The following KAZN variants were observed in gnomAD, a reference collection of about 807,000 sequenced individuals.
The protein encoded by KAZN is kazrin.
KAZN carries 40 observed loss-of-function variants against 87.4 expected under a neutral mutation model. The ratio of observed to expected loss-of-function variants is 0.46; its 90% CI spans 0.36 to 0.60. The LOEUF is 0.60. KAZN is among the 20% of genes least tolerant of loss of function. The probability of loss-of-function intolerance (pLI) is 0.00; values close to 1 mark genes in which losing one functional copy is unlikely to be tolerated. For synonymous variants in KAZN, 466 were observed against 458.3 expected (o/e 1.02, Z -0.22); for missense variants, 898 against 1,073.9 (o/e 0.84, Z 2.29).
intron 1 of KAZN, among the ~76,000 whole-genome samples, chr1:13,915,402 C>T (rs1308002707): frequency 6.6e-6 from 1 of 152,220 alleles, no homozygotes; most frequent in Non-Finnish European, 1.5e-5. Context: ...TTTATACCAA[C>T]ATAGTTGTAA....
At chr1:14,194,246 T>C (rs1646480772) in intron 2 of KAZN, among the ~76,000 whole-genome samples, 2 of 152,160 alleles carry the variant, frequency 1.3e-5, no homozygotes, top group Admixed American at 1.3e-4. Flanking sequence ...TGAGCAAGGC[T>C]TACCAGCAGC....
intron 1 of KAZN, among the ~76,000 whole-genome samples, chr1:14,030,443 G>T (rs1641270453): frequency 8.2e-6 from 1 of 122,598 alleles, no homozygotes. Flanking sequence ...GGTGGGGGGA[G>T]GGGGGAGAGA....
chr1:14,837,346 G>A (rs1162702716), intron 1 of KAZN, among the ~76,000 whole-genome samples: 1 of 151,616 alleles, frequency 6.6e-6, no homozygotes, highest in African/African-American at 2.4e-5. Context: ...ATTACAGGCA[G>A]GCGCCACCAT....
At chr1:14,418,587 G>A (rs1665037595) in intron 2 of KAZN, among the ~76,000 whole-genome samples, 1 of 152,194 alleles carries the variant, frequency 6.6e-6, no homozygotes, top group Non-Finnish European at 1.5e-5. Flanking sequence ...AGGAAAATGA[G>A]TTTGCCTCTA....
intron 1 of KAZN, among the ~76,000 whole-genome samples, chr1:14,670,016 T>C (rs1639819121): frequency 6.6e-6 from 1 of 152,170 alleles, no homozygotes; most frequent in Admixed American, 6.5e-5. Context: ...TGGCATCCCC[T>C]GTACAATGGC....
intron 1 of KAZN, among the ~76,000 whole-genome samples, chr1:14,138,567 C>G (rs915124950): frequency 5.3e-5 from 8 of 152,116 alleles, no homozygotes; most frequent in African/African-American, 1.7e-4. Flanking sequence ...CCCACGAGAT[C>G]GTCCTGGAAA....
intron 2 of KAZN, among the ~76,000 whole-genome samples, chr1:14,255,119 CAAAAAAAAAAA>C (rs71570191): frequency 1.7e-4 from 14 of 83,782 alleles, no homozygotes; most frequent in Non-Finnish European, 3.3e-4. Context: ...GACTCTGTCT[CAAAAAAAAAAA>C]AAAAAAAAAA....
At chr1:14,461,179 T>G (rs1667830355) in intron 2 of KAZN, among the ~76,000 whole-genome samples, 1 of 152,186 alleles carries the variant, frequency 6.6e-6, no homozygotes, top group Non-Finnish European at 1.5e-5. Context: ...GCATTACCCT[T>G]TCCTGGCTGT....
intron 1 of KAZN, among the ~76,000 whole-genome samples, chr1:14,109,310 C>G (rs370057312): frequency 5.3e-5 from 8 of 152,166 alleles, no homozygotes; most frequent in African/African-American, 1.7e-4. Flanking sequence ...TGGCAATGAT[C>G]CATTTATCCA....
intron 2 of KAZN, among the ~76,000 whole-genome samples, chr1:14,209,867 G>C (rs1646817599): frequency 6.6e-6 from 1 of 152,120 alleles, no homozygotes; most frequent in African/African-American, 2.4e-5. Flanking sequence ...CCTGTTATTG[G>C]TACCCACTGA....
At chr1:14,519,305 C>T (rs1671458107) in intron 2 of KAZN, among the ~76,000 whole-genome samples, 2 of 152,292 alleles carry the variant, frequency 1.3e-5, no homozygotes, top group South Asian at 4.1e-4. Flanking sequence ...CAACCCTCTG[C>T]TTTGCTTTAG....
At chr1:14,933,344 C>T (rs1426253877) in intron 1 of KAZN, among the ~76,000 whole-genome samples, 3 of 152,178 alleles carry the variant, frequency 2.0e-5, no homozygotes, top group Non-Finnish European at 2.9e-5. Context: ...CCGCCTGCCT[C>T]GGCCTCCCAA....
intron 1 of KAZN, among the ~76,000 whole-genome samples, chr1:14,147,534 CT>C (rs780764608): frequency 8.5e-5 from 13 of 152,220 alleles, no homozygotes; most frequent in Non-Finnish European, 1.9e-4. Flanking sequence ...TGGCTCATGC[CT>C]GTAATCCCAG....
intron 2 of KAZN, among the ~76,000 whole-genome samples, chr1:14,549,613 C>CTT (rs5772587): frequency 0.013 from 1,749 of 135,140 alleles, 34 homozygotes; most frequent in African/African-American, 0.041. Context: ...CAGGCAACCC[C>CTT]TTTTTTTTTT....
intron 1 of KAZN, among the ~76,000 whole-genome samples, chr1:14,765,864 C>T (rs760154723): frequency 7.9e-5 from 12 of 152,308 alleles, no homozygotes; most frequent in Non-Finnish European, 1.3e-4. Flanking sequence ...TGTGCTCAGG[C>T]AGCAGGCAAT....
At chr1:14,749,918 A>C (rs1015638642) in intron 1 of KAZN, among the ~76,000 whole-genome samples, 2 of 152,162 alleles carry the variant, frequency 1.3e-5, no homozygotes, top group Non-Finnish European at 2.9e-5. Context: ...AAGGACCCAA[A>C]TGAGGTCATA....
intron 2 of KAZN, among the ~76,000 whole-genome samples, chr1:14,998,398 T>C (rs1668118361): frequency 8.3e-6 from 1 of 120,986 alleles, no homozygotes; most frequent in Non-Finnish European, 1.5e-5. Flanking sequence ...AGAGGCTGTG[T>C]GTATGTGGCG....
chr1:14,804,854 G>A (rs1363737810), intron 1 of KAZN, among the ~76,000 whole-genome samples: 1 of 152,132 alleles, frequency 6.6e-6, no homozygotes, highest in Non-Finnish European at 1.5e-5. Context: ...GGGGACCCCT[G>A]GAGGAACTCC....
intron 2 of KAZN, among the ~76,000 whole-genome samples, chr1:15,013,336 G>A (rs1669765641): frequency 6.6e-6 from 1 of 152,168 alleles, no homozygotes; most frequent in Non-Finnish European, 1.5e-5. Flanking sequence ...GGGGGAGGGG[G>A]AAGCTAGACA....
Sources: gnomAD v4.1 joint callset for allele counts (sites outside exome capture counted in the v4.1 genomes callset) on GRCh38, gnomAD v4.1.1 for gene constraint, MANE v1.5 for transcripts, NCBI Gene and HGNC (gene_info 2026-07-23, HGNC 2026-07-21) for gene names.